Variants in ZW10 observed in about 807,000 individuals in gnomAD.
ZW10 encodes the protein centromere/kinetochore protein zw10 homolog.
In ZW10, 53 loss-of-function variants were observed where a neutral mutation model predicts 87.8. That is an observed-to-expected ratio of 0.60 (90% CI 0.48 to 0.76). The LOEUF (loss-of-function observed/expected upper bound fraction) is 0.76, where lower values mean the gene tolerates loss of function less well. Among genes scored for constraint, ZW10 ranks in the 30% least tolerant of loss-of-function variants. The pLI, the probability that ZW10 is intolerant of heterozygous loss-of-function variation, is 0.00. For missense variants in ZW10, 837 were observed against 923.0 expected (o/e 0.91, Z 1.21); for synonymous variants, 312 against 329.2 (o/e 0.95, Z 0.57).
chr11:113,754,993 G>A (rs911983661), intron 7 of ZW10, among the ~76,000 whole-genome samples: 3 of 152,040 alleles, frequency 2.0e-5, no homozygotes, highest in Non-Finnish European at 4.4e-5. Context: ...CTACTGCTCA[G>A]AAAAAAAGAT....
chr11:113,757,697 C>G lies in ZW10; in HGVS notation c.890G>C (p.Arg297Thr). ...TTTCTGGAGCACTTCTAGTACCAGT[C>G]TGATCTTTGTAAAAACTTCAGATGG... ...PSPSEVFTKI[R>T]LVLEVLQKQL... Residue 297 changes from arginine to threonine, a missense_variant, in exon 7 of 16, where the codon AGA becomes ACA. Coordinates refer to ENST00000200135, the MANE Select transcript of ZW10 (RefSeq NM_004724.4). 6.2e-7 allele frequency: 1 copy of G among 1,611,388 alleles called. No individual in the cohort carries two copies. The highest frequency in any genetic ancestry group is 8.5e-7 in the Non-Finnish European group (1 of 1,178,292).
Position 113,757,804 on chromosome 11 carries a change from G to A in ZW10, c.783C>T (p.Ser261=). 1.2e-6 allele frequency: 2 copies of A among 1,612,810 alleles called. No individual in the cohort carries two copies. Among genetic ancestry groups the A allele is most frequent in the Non-Finnish European group, 1.7e-6 (2 of 1,179,208 alleles). The change falls in exon 7 of 16, where the codon TCC becomes TCT. Residue 261 remains serine, a synonymous_variant. Transcript: ENST00000200135. ...GCTGGCTTTCTATCACAGCATGAAGGGATGGGCAAGATGCCAGCGGCCTAA... is the reference window on the plus strand; with the variant it reads ...GCTGGCTTTCTATCACAGCATGAAGAGATGGGCAAGATGCCAGCGGCCTAA... ...YILRPLASCP[S]LHAVIESQPN...
chr11:113,742,329 G>A (rs1433318552), intron 10 of ZW10, among the ~76,000 whole-genome samples: 1 of 152,112 alleles, frequency 6.6e-6, no homozygotes, highest in Non-Finnish European at 1.5e-5. Flanking sequence ...ACTTTTAAAA[G>A]GCAAACATAA....
chr11:113,752,215 CAA>C (rs1349000627), intron 7 of ZW10, among the ~76,000 whole-genome samples: 1 of 151,942 alleles, frequency 6.6e-6, no homozygotes, highest in East Asian at 1.9e-4. Context: ...TAAAAAATGG[CAA>C]AAAACTTTTG....
chr11:113,749,574 A>G (rs895994839), intron 7 of ZW10, among the ~76,000 whole-genome samples: 17 of 152,196 alleles, frequency 1.1e-4, no homozygotes, highest in African/African-American at 3.1e-4. Context: ...AACTCTATGA[A>G]TTGTACCAAT....
intron 7 of ZW10, among the ~76,000 whole-genome samples, chr11:113,755,718 T>C (rs1232689138): frequency 6.6e-6 from 1 of 152,154 alleles, no homozygotes; most frequent in Non-Finnish European, 1.5e-5. Flanking sequence ...GGGAAGTCAA[T>C]TGATGAGGCA....
chr11:113,736,440 G>C (rs1479255928), intron 15 of ZW10, among the ~76,000 whole-genome samples, 180 bp downstream of exon 15: 2 of 152,152 alleles, frequency 1.3e-5, no homozygotes, highest in Non-Finnish European at 2.9e-5. Flanking sequence ...TCAAATATGG[G>C]AAAGTGGTAA....
intron 7 of ZW10, among the ~76,000 whole-genome samples, chr11:113,752,944 A>C (rs954749677): frequency 9.2e-5 from 14 of 152,352 alleles, no homozygotes; most frequent in Non-Finnish European, 1.6e-4. Context: ...CCAGTTAGCC[A>C]AGTTTTGAAT....
rs1329045005 is a variant in ZW10, at chr11:113,747,580, A to G, written c.1223T>C (p.Ile408Thr). 1 of 1,613,744 alleles carries G rather than the reference A, an allele frequency of 6.2e-7. No individual in the cohort carries two copies. Among genetic ancestry groups the G allele is most frequent in the South Asian group, 1.1e-5 (1 of 91,042 alleles). Residue 408 changes from isoleucine to threonine, a missense_variant, in exon 9 of 16, where the codon ATT becomes ACT. Ile to Thr is a moderately conservative substitution (Grantham distance 89, BLOSUM62 -1). Transcript: ENST00000200135. ...HFANKKCQDV[I>T]VAARNLMTSE... ...GGTCATTAGATTTCTGGCTGCCACA[A>G]TCACATCCTGGCACTTTTTGTTTGC...
Position 113,760,303 on chromosome 11 carries a change from G to C in ZW10, c.486C>G (p.Leu162=). 6.2e-7 allele frequency: 1 copy of C among 1,614,026 alleles called. No homozygotes were observed. The highest frequency in any genetic ancestry group is 8.5e-7 in the Non-Finnish European group (1 of 1,179,958). ...KCFDLKILKS[L]SMELTIQKQN... ...GTTTCTGTATTGTGAGCTCCATGCT[G>C]AGAGATTTCAATATTTTTAAATCAA... The change falls in exon 5 of 16, where the codon CTC becomes CTG. Residue 162 remains leucine (L), a synonymous_variant. Transcript: ENST00000200135.
intron 7 of ZW10, among the ~76,000 whole-genome samples, chr11:113,751,975 T>C (rs940624365): frequency 1.2e-4 from 18 of 152,358 alleles, no homozygotes; most frequent in Non-Finnish European, 2.5e-4. Context: ...ATAAAAAGTT[T>C]AATGAACATT....
At chr11:113,738,755 C>T (rs1439662079) in intron 12 of ZW10, among the ~76,000 whole-genome samples, 1 of 152,164 alleles carries the variant, frequency 6.6e-6, no homozygotes, top group Non-Finnish European at 1.5e-5. Flanking sequence ...CTATGATCAA[C>T]ATATTGATTT....
intron 5 of ZW10, among the ~76,000 whole-genome samples, chr11:113,759,430 T>C (rs1054522931): frequency 1.3e-4 from 20 of 152,288 alleles, no homozygotes; most frequent in African/African-American, 4.6e-4. Context: ...CATATGTATA[T>C]AATGAATTTG....
intron 5 of ZW10, among the ~76,000 whole-genome samples, chr11:113,758,990 G>A (rs146553251): frequency 3.9e-5 from 6 of 152,242 alleles, no homozygotes; most frequent in East Asian, 3.9e-4. Flanking sequence ...CCTGGGCAAC[G>A]TAGTGAGACG....
intron 9 of ZW10, among the ~76,000 whole-genome samples, chr11:113,747,222 A>G (rs933463352): frequency 4.6e-5 from 7 of 152,134 alleles, no homozygotes; most frequent in African/African-American, 9.7e-5. Context: ...GTGTCCTAAA[A>G]CCTTCAGAAA....
chr11:113,756,964 A>C (rs1305090977), intron 7 of ZW10, among the ~76,000 whole-genome samples: 3 of 152,200 alleles, frequency 2.0e-5, no homozygotes, highest in African/African-American at 7.2e-5. Context: ...TTATTTATAC[A>C]TAAATATACA....
rs939047048 is a variant in ZW10, at chr11:113,748,305, C to A, written c.1041G>T (p.Leu347Phe). 46 of 1,613,178 alleles carry A rather than the reference C, an allele frequency of 2.9e-5. No individual in the cohort carries two copies. The highest frequency in any genetic ancestry group is 3.8e-5 in the Non-Finnish European group (45 of 1,179,708). The change falls in exon 8 of 16, where the codon TTG becomes TTT. Residue 347 changes from leucine (L) to phenylalanine (F), a missense_variant. By Grantham distance (22) the Leu-to-Phe change is conservative (BLOSUM62 0). Transcript: ENST00000200135. ...DLSECLIKNC[L>F]VYSIPTNSSK... is the part of the protein sequence containing the mutation. ...TGCTATTTGTTGGAATCGAATAAAC[C>A]AAACAGTTTTTGATGAGGCACTCAG...
chr11:113,754,398 T>C (rs751762476), intron 7 of ZW10, among the ~76,000 whole-genome samples: 1 of 151,902 alleles, frequency 6.6e-6, no homozygotes, highest in Non-Finnish European at 1.5e-5. Context: ...GGCACGAGAA[T>C]CGCTTGAACC....
At chr11:113,745,340 G>A (rs1454685519) in intron 9 of ZW10, among the ~76,000 whole-genome samples, 1 of 151,862 alleles carries the variant, frequency 6.6e-6, no homozygotes, top group Non-Finnish European at 1.5e-5. Context: ...GAGGCAGCAG[G>A]CTCCCTACTC....
Sources: gnomAD v4.1 joint callset for allele counts (sites outside exome capture counted in the v4.1 genomes callset) on GRCh38, gnomAD v4.1.1 for gene constraint, MANE v1.5 for transcripts, NCBI Gene and HGNC (gene_info 2026-07-23, HGNC 2026-07-21) for gene names.